Variants in BABAM2 observed in about 807,000 individuals in gnomAD.
The protein encoded by BABAM2 is BRISC and BRCA1 A complex member 2, also known as BRISC and BRCA1-A complex member 2.
BABAM2 carries 31 observed loss-of-function variants against 54.7 expected under a neutral mutation model. The observed-to-expected ratio is 0.57, with a 90% CI of 0.43 to 0.77. The LOEUF is 0.77. Among genes scored for constraint, BABAM2 ranks in the 30% least tolerant of loss-of-function variants. The pLI is 0.00. For synonymous variants in BABAM2, 167 were observed against 162.9 expected (o/e 1.03, Z -0.19); for missense variants, 364 against 455.8 (o/e 0.80, Z 1.83).
chr2:28,021,961 T>G (rs1406696932), intron 4 of BABAM2, among the ~76,000 whole-genome samples: 5 of 152,192 alleles, frequency 3.3e-5, no homozygotes, highest in Non-Finnish European at 7.3e-5. Context: ...GCCAAAAAAC[T>G]ATGGGTTTTG....
chr2:28,152,957 TG>T (rs1672198044), intron 7 of BABAM2, among the ~76,000 whole-genome samples: 1 of 152,232 alleles, frequency 6.6e-6, no homozygotes, highest in Non-Finnish European at 1.5e-5. Flanking sequence ...ATAGTTCTTC[TG>T]TTGTTCTGCA....
intron 7 of BABAM2, among the ~76,000 whole-genome samples, chr2:28,192,517 CTTTTTTTTTTT>C (rs58587872): frequency 8.3e-6 from 1 of 120,588 alleles, no homozygotes; most frequent in Non-Finnish European, 1.7e-5. Flanking sequence ...GTTTATAGCT[CTTTTTTTTTTT>C]TTTTTTTTTT....
At chr2:28,063,818 T>C (rs72814407) in intron 6 of BABAM2, among the ~76,000 whole-genome samples, 10,494 of 152,262 alleles carry the variant, frequency 0.069, 548 homozygotes, top group African/African-American at 0.15. Flanking sequence ...CTGTCACTTA[T>C]GATCAAAAAA....
intron 5 of BABAM2, among the ~76,000 whole-genome samples, chr2:28,045,152 A>G (rs951777376): frequency 1.3e-5 from 2 of 152,172 alleles, no homozygotes; most frequent in African/African-American, 4.8e-5. Flanking sequence ...CCTCTTTCCT[A>G]TAGAGATTAG....
At chr2:28,149,147 T>C (rs188814343) in intron 7 of BABAM2, among the ~76,000 whole-genome samples, 14 of 152,304 alleles carry the variant, frequency 9.2e-5, no homozygotes, top group Admixed American at 7.2e-4. Flanking sequence ...ACTGTAGTGT[T>C]TTTATTGTAT....
intron 10 of BABAM2, among the ~76,000 whole-genome samples, chr2:28,294,415 A>C (rs1687525044): frequency 6.6e-6 from 1 of 152,066 alleles, no homozygotes; most frequent in Admixed American, 6.6e-5. Context: ...CAAATGGTTA[A>C]AGTGTTCAAT....
At chr2:27,922,443 G>T (rs1436523822) in intron 2 of BABAM2, among the ~76,000 whole-genome samples, 1 of 152,142 alleles carries the variant, frequency 6.6e-6, no homozygotes, top group Non-Finnish European at 1.5e-5. Flanking sequence ...ATTTTATTGC[G>T]TCAATGATTA....
At chr2:28,110,180 C>T (rs971216998) in intron 6 of BABAM2, among the ~76,000 whole-genome samples, 28 of 151,470 alleles carry the variant, frequency 1.8e-4, no homozygotes, top group African/African-American at 3.7e-4. Flanking sequence ...GGTTCATCCA[C>T]GTTGTAGGAT....
chr2:28,289,177 G>T (rs757428768), intron 10 of BABAM2, among the ~76,000 whole-genome samples: 11 of 152,000 alleles, frequency 7.2e-5, no homozygotes, highest in African/African-American at 1.9e-4. Flanking sequence ...CGTCCTGTGG[G>T]TGTCTCTCCC....
At chr2:28,293,439 G>A (rs1687448879) in intron 10 of BABAM2, among the ~76,000 whole-genome samples, 2 of 152,200 alleles carry the variant, frequency 1.3e-5, no homozygotes, top group African/African-American at 4.8e-5. Flanking sequence ...CCTCACCAGA[G>A]TTCACAGAGA....
intron 11 of BABAM2, among the ~76,000 whole-genome samples, chr2:28,330,011 T>G (rs1440034819): frequency 6.6e-6 from 1 of 152,264 alleles, no homozygotes; most frequent in Non-Finnish European, 1.5e-5. Flanking sequence ...ATCCCCAGGA[T>G]GCAAGGCTGG....
chr2:27,945,512 G>C (rs1331985125), intron 3 of BABAM2, among the ~76,000 whole-genome samples: 5 of 152,082 alleles, frequency 3.3e-5, no homozygotes, highest in Non-Finnish European at 7.4e-5. Context: ...CTTTTTCAAA[G>C]CTGTTTCGGA....
At chr2:27,895,904 C>T (rs1444662894) in intron 2 of BABAM2, among the ~76,000 whole-genome samples, 2 of 151,876 alleles carry the variant, frequency 1.3e-5, no homozygotes, top group African/African-American at 4.8e-5. Flanking sequence ...ATGTATTTTC[C>T]TCTGTGGGTT....
intron 10 of BABAM2, among the ~76,000 whole-genome samples, chr2:28,260,412 C>T (rs1399838753): frequency 6.7e-6 from 1 of 148,612 alleles, no homozygotes; most frequent in Non-Finnish European, 1.5e-5. Context: ...GGTGATTCTC[C>T]TGCGTTAGCC....
At chr2:28,076,168 G>T (rs1035544069) in intron 6 of BABAM2, among the ~76,000 whole-genome samples, 7 of 152,196 alleles carry the variant, frequency 4.6e-5, no homozygotes, top group African/African-American at 1.4e-4. Flanking sequence ...CAGCATACAA[G>T]GGGGCTAAGG....
intron 4 of BABAM2, among the ~76,000 whole-genome samples, chr2:28,013,836 AGCTTCCATG>A (rs1180396239): frequency 4.0e-5 from 6 of 151,882 alleles, no homozygotes; most frequent in South Asian, 2.1e-4. Context: ...CACAATCAGA[AGCTTCCATG>A]GCTTCCATGG....
intron 7 of BABAM2, among the ~76,000 whole-genome samples, chr2:28,140,594 G>A (rs1670955872): frequency 6.6e-6 from 1 of 151,952 alleles, no homozygotes; most frequent in Admixed American, 6.6e-5. Context: ...AATACTTTTA[G>A]CATTTCATAT....
chr2:27,978,551 T>C (rs1279267249), intron 3 of BABAM2, among the ~76,000 whole-genome samples: 1 of 152,152 alleles, frequency 6.6e-6, no homozygotes, highest in African/African-American at 2.4e-5. Context: ...ATACTTGGAG[T>C]TTCAGTCAGT....
At chr2:28,327,635 A>G (rs1690588203) in intron 11 of BABAM2, among the ~76,000 whole-genome samples, 1 of 152,200 alleles carries the variant, frequency 6.6e-6, no homozygotes, top group African/African-American at 2.4e-5. Flanking sequence ...TATAAATTGT[A>G]GTCTAGACAC....
Sources: allele counts gnomAD v4.1 joint callset (sites outside exome capture counted in the v4.1 genomes callset), GRCh38; gene constraint gnomAD v4.1.1; transcripts MANE v1.5; gene names NCBI Gene and HGNC (gene_info 2026-07-23, HGNC 2026-07-21).